Variants in ARSF observed in about 807,000 individuals in gnomAD.
ARSF encodes the protein arylsulfatase F.
In ARSF, 33 loss-of-function variants were observed where a neutral mutation model predicts 35.4. That is an observed-to-expected ratio of 0.93 (90% CI 0.71 to 1.25). The LOEUF is 1.25. Ranked by LOEUF, ARSF falls within the 50% of genes most tolerant of loss-of-function variation. The pLI is 0.00. For missense variants in ARSF, 501 were observed against 480.2 expected (o/e 1.04, Z -0.40); for synonymous variants, 222 against 193.1 (o/e 1.15, Z -1.24).
At chrX:3,088,310 T>A (rs748356242) in intron 6 of ARSF, among the ~76,000 whole-genome samples, 33 of 111,537 alleles carry the variant, frequency 3.0e-4, no homozygotes, top group African/African-American at 1.0e-3. Flanking sequence ...AGTGAGAACA[T>A]CCACCAAACA....
In ARSF at chrX:3,060,253, A is replaced by G. The variant is rs184299416; in HGVS notation, c.-28-7820A>G. On this transcript the variant is annotated intron_variant, in intron 1 of 10. Transcript: ENST00000381127. Reference sequence around the variant, plus strand: ...TCAGAAGGAAAACTAACAAACAGAAAGGAATAGCATCAACATCAACAAAAA... The same window carrying G: ...TCAGAAGGAAAACTAACAAACAGAAGGGAATAGCATCAACATCAACAAAAA... Among the ~76,000 whole-genome samples, 896 of 112,301 alleles carry G rather than the reference A, an allele frequency of 8.0e-3. 9 individuals are homozygous for G. The highest frequency in any genetic ancestry group is 0.034 in the Admixed American group (359 of 10,579).
In ARSF at chrX:3,102,940, C is replaced by T. The variant is rs182378325; in HGVS notation, c.1103-822C>T. 2.3e-3 allele frequency among the ~76,000 whole-genome samples: 260 copies of T among 111,044 alleles called. 1 individual carries two copies. Among genetic ancestry groups the T allele is most frequent in the African/African-American group, 6.9e-3 (212 of 30,523 alleles). ...AAAAAAAAATTAACTTTTCAGCATG[C>T]CATGACATAATGTAGATTTTACTCT... On this transcript the variant is annotated intron_variant, in intron 8 of 10. Transcript: ENST00000381127.
chrX:3,082,269 C>A (rs2090207220), intron 5 of ARSF, among the ~76,000 whole-genome samples: 1 of 111,555 alleles, frequency 9.0e-6, no homozygotes, highest in Non-Finnish European at 1.9e-5. Context: ...GCCAGCTATT[C>A]ATCCATCCAT....
intron 1 of ARSF, among the ~76,000 whole-genome samples, chrX:3,065,746 C>T (rs2090062949): frequency 9.1e-6 from 1 of 110,311 alleles, no homozygotes; most frequent in African/African-American, 3.3e-5. Flanking sequence ...AATTCCAGTT[C>T]AAAATTCCTC....
At chrX:3,062,177 C>T (rs181230009) in intron 1 of ARSF, among the ~76,000 whole-genome samples, 4 of 112,278 alleles carry the variant, frequency 3.6e-5, no homozygotes, top group Admixed American at 2.9e-4. Context: ...TACATGGAAA[C>T]TGAACAACCT....
chrX:3,098,177 G>T (rs1038470841), intron 7 of ARSF, among the ~76,000 whole-genome samples: 1 of 108,754 alleles, frequency 9.2e-6, no homozygotes, highest in Non-Finnish European at 1.9e-5. Context: ...GTTGACAAGG[G>T]TGGTCTCAAA....
Position 3,089,558 on chromosome X carries a change from C to T in ARSF, c.893C>T (p.Thr298Ile), listed in dbSNP as rs185793640. ...SFLHVHTPLP[T>I]TDDFTGTSKH... ...CTTCACGTGCACACACCTCTCCCCA[C>T]CACGGACGATTTCACTGGCACCAGC... Residue 298 changes from threonine (T) to isoleucine (I), a missense_variant, in exon 7 of 11, where the codon ACC becomes ATC. Coordinates refer to ENST00000381127, the MANE Select transcript of ARSF (RefSeq NM_001201539.2). 23 of 1,210,057 alleles carry T rather than the reference C, an allele frequency of 1.9e-5. No individual in the cohort carries two copies. Among genetic ancestry groups the T allele is most frequent in the Non-Finnish European group, 2.5e-5 (22 of 895,062 alleles).
rs757294896 is a variant in ARSF, at chrX:3,069,899, G to A, written c.11+1788G>A. 4.7e-4 allele frequency among the ~76,000 whole-genome samples: 53 copies of A among 111,729 alleles called. 1 individual carries two copies. The South Asian group carries it at 7.4e-3, about 16-fold the overall frequency. On this transcript the variant is annotated intron_variant, in intron 2 of 10. Transcript: ENST00000381127. ...CCTCATCCACTTACCTATTTGTGAT[G>A]AGAACACTTTGAGTAGATTTTATCA...
intron 7 of ARSF, among the ~76,000 whole-genome samples, chrX:3,091,777 T>C (rs1421022263): frequency 9.1e-6 from 1 of 109,915 alleles, no homozygotes; most frequent in Non-Finnish European, 1.9e-5. Flanking sequence ...GATGGATAGA[T>C]AGATGATAGG....
At chrX:3,059,767 G>A (rs2090034333) in intron 1 of ARSF, among the ~76,000 whole-genome samples, 1 of 112,676 alleles carries the variant, frequency 8.9e-6, no homozygotes, top group Non-Finnish European at 1.9e-5. Context: ...GCTTGAGTAG[G>A]TAAACAATGT....
chrX:3,088,613 G>A (rs1039028163), intron 6 of ARSF, among the ~76,000 whole-genome samples: 2 of 108,998 alleles, frequency 1.8e-5, no homozygotes, highest in East Asian at 5.7e-4. Context: ...CCAGGCTGGA[G>A]CGCAGTGGTG....
In ARSF at chrX:3,067,131, CGT is replaced by C. The variant is rs368895328; in HGVS notation, c.-28-924_-28-923del. ...TTCCTTTTTCTTTCTTAACCAAGAA[CGT>C]GTGTGTGTGTGTGTGTGAGTGTGCG... On this transcript the variant is annotated intron_variant, in intron 1 of 10. Transcript: ENST00000381127. Among the ~76,000 whole-genome samples the C allele has an allele frequency of 1.7e-3, 163 of 97,764 alleles. 1 individual carries two copies. The highest frequency in any genetic ancestry group is 5.0e-3 in the Middle Eastern group (1 of 199). The allele number at this position is 97,764 out of a possible 115,157, so 84.9% of individuals were successfully genotyped here.
intron 1 of ARSF, among the ~76,000 whole-genome samples, chrX:3,042,793 C>T (rs755676026): frequency 1.8e-5 from 2 of 111,039 alleles, no homozygotes; most frequent in Admixed American, 9.7e-5. Flanking sequence ...CCACCGCACC[C>T]GGCCAGATTC....
chrX:3,098,071 C>CACACAG (rs2147534786), intron 7 of ARSF, among the ~76,000 whole-genome samples: 1 of 108,478 alleles, frequency 9.2e-6, no homozygotes, highest in African/African-American at 3.3e-5. Flanking sequence ...CACACACACA[C>CACACAG]ACACACACAC....
chrX:3,083,062 T>A (rs2090214273), intron 5 of ARSF, among the ~76,000 whole-genome samples: 1 of 110,079 alleles, frequency 9.1e-6, no homozygotes, highest in South Asian at 4.0e-4. Context: ...CATCTATCCA[T>A]CATATCTATC....
chrX:3,074,148 G>A (rs73439695), intron 3 of ARSF, among the ~76,000 whole-genome samples: 5 of 110,352 alleles, frequency 4.5e-5, no homozygotes, highest in Non-Finnish European at 3.8e-5. Flanking sequence ...AGGACTCACC[G>A]AAAAGCGCAG....
Position 3,062,516 on chromosome X carries a change from T to C in ARSF, c.-28-5557T>C, listed in dbSNP as rs143239453. On this transcript the variant is annotated intron_variant, in intron 1 of 10. Transcript: ENST00000381127. ...TCAAAAAAATCAATGAATCCAGGAG[T>C]TGGTTTTTTGAAAAGATCAACAAAA... 9.6e-3 allele frequency among the ~76,000 whole-genome samples: 1,060 copies of C among 110,357 alleles called. 16 individuals are homozygous for C. Among genetic ancestry groups the C allele is most frequent in the African/African-American group, 0.033 (1,002 of 30,375 alleles).
chrX:3,062,396 G>C (rs1214597847), intron 1 of ARSF, among the ~76,000 whole-genome samples: 1 of 111,481 alleles, frequency 9.0e-6, no homozygotes, highest in Non-Finnish European at 1.9e-5. Flanking sequence ...AAAAGAACTA[G>C]AGAAGCAAGA....
intron 7 of ARSF, among the ~76,000 whole-genome samples, chrX:3,100,879 G>A (rs962326290): frequency 1.8e-5 from 2 of 111,844 alleles, no homozygotes; most frequent in African/African-American, 6.5e-5. Flanking sequence ...ACAGGCATGA[G>A]CCACCGCGCC....
Sources: allele counts gnomAD v4.1 joint callset (sites outside exome capture counted in the v4.1 genomes callset), GRCh38; gene constraint gnomAD v4.1.1; transcripts MANE v1.5; gene names NCBI Gene and HGNC (gene_info 2026-07-23, HGNC 2026-07-21).